Variants in ACBD6 observed in about 807,000 individuals in gnomAD.
The protein encoded by ACBD6 is acyl-CoA-binding domain-containing protein 6.
ACBD6 carries 28 observed loss-of-function variants against 37.2 expected under a neutral mutation model. The ratio of observed to expected loss-of-function variants is 0.75; its 90% CI spans 0.56 to 1.03. The LOEUF (loss-of-function observed/expected upper bound fraction) is 1.03, where lower values mean the gene tolerates loss of function less well. Ranked by LOEUF, ACBD6 falls within the 50% of genes least tolerant of loss-of-function variation. The pLI, the probability that ACBD6 is intolerant of heterozygous loss-of-function variation, is 0.00. For missense variants in ACBD6, 340 were observed against 337.4 expected, an observed-to-expected ratio of 1.01 and a Z score of -0.06; for synonymous variants, 113 against 126.8, an observed-to-expected ratio of 0.89 and a Z score of 0.73.
chr1:180,292,358 T>TA (rs1649742766), intron 7 of ACBD6, among the ~76,000 whole-genome samples: 1 of 152,198 alleles, frequency 6.6e-6, no homozygotes, highest in Admixed American at 6.5e-5. Flanking sequence ...ATTTAGGAAT[T>TA]ATACACATAC....
intron 6 of ACBD6, among the ~76,000 whole-genome samples, chr1:180,356,121 C>A (rs563313794): frequency 4.6e-5 from 7 of 152,066 alleles, no homozygotes; most frequent in African/African-American, 1.7e-4. Flanking sequence ...GATCCATGTG[C>A]CTCGGCCTCC....
chr1:180,446,332 G>A (rs1649472714), intron 3 of ACBD6, among the ~76,000 whole-genome samples: 1 of 151,930 alleles, frequency 6.6e-6, no homozygotes, highest in African/African-American at 2.4e-5. Flanking sequence ...CTTTTAAAAT[G>A]TTTACATAAA....
At chr1:180,426,020 A>G (rs908576667) in intron 4 of ACBD6, among the ~76,000 whole-genome samples, 1 of 152,246 alleles carries the variant, frequency 6.6e-6, no homozygotes. Context: ...TCAATGATTA[A>G]AGCATCTCTT....
At chr1:180,338,474 T>C (rs923714477) in intron 6 of ACBD6, among the ~76,000 whole-genome samples, 3 of 152,220 alleles carry the variant, frequency 2.0e-5, no homozygotes, top group Admixed American at 1.3e-4. Context: ...TGGCTAGCCA[T>C]ATGTAGAAAG....
At chr1:180,500,831 A>T (rs1651942358) in intron 1 of ACBD6, among the ~76,000 whole-genome samples, 1 of 9,872 alleles carries the variant, frequency 1.0e-4, no homozygotes, top group Non-Finnish European at 7.7e-4. Context: ...ACCCTCTGTA[A>T]AAAAAAAAAA....
chr1:180,351,800 C>T (rs1205483117), intron 6 of ACBD6, among the ~76,000 whole-genome samples: 1 of 152,058 alleles, frequency 6.6e-6, no homozygotes, highest in Non-Finnish European at 1.5e-5. Flanking sequence ...TCCAGTAATT[C>T]CACTTTCCAG....
At chr1:180,422,166 C>T (rs946624593) in intron 4 of ACBD6, among the ~76,000 whole-genome samples, 1 of 152,008 alleles carries the variant, frequency 6.6e-6, no homozygotes, top group African/African-American at 2.4e-5. Flanking sequence ...CTTGTACTTG[C>T]CAGTGTAGCT....
At chr1:180,453,655 C>G (rs1386831210) in intron 3 of ACBD6, among the ~76,000 whole-genome samples, 2 of 152,186 alleles carry the variant, frequency 1.3e-5, no homozygotes, top group Non-Finnish European at 2.9e-5. Context: ...ACCCCATTGT[C>G]ATAGCCCAAA....
At chr1:180,303,951 C>T (rs892119867) in intron 7 of ACBD6, among the ~76,000 whole-genome samples, 1 of 151,042 alleles carries the variant, frequency 6.6e-6, no homozygotes, top group East Asian at 1.9e-4. Context: ...GCTGGTTCAA[C>T]ATACGCAAAT....
chr1:180,281,132 C>G (rs1649295197), intron 9 of ACBD6, among the ~76,000 whole-genome samples: 1 of 152,176 alleles, frequency 6.6e-6, no homozygotes, highest in Non-Finnish European at 1.5e-5. Context: ...CTGCAGCTCA[C>G]AAAGGAGAGA....
chr1:180,330,254 A>ATT (rs58036413), intron 6 of ACBD6, among the ~76,000 whole-genome samples: 2,623 of 143,476 alleles, frequency 0.018, 28 homozygotes, highest in Non-Finnish European at 0.022. Context: ...CTCTATAAGA[A>ATT]TTTTTTTTTT....
chr1:180,435,494 G>A (rs557583571), intron 3 of ACBD6: 28 of 540,940 alleles, frequency 5.2e-5, no homozygotes, highest in South Asian at 8.3e-5. Context: ...CTCGTGATCC[G>A]CCCGCCTTGG....
At chr1:180,294,919 G>C (rs1026362334) in intron 7 of ACBD6, among the ~76,000 whole-genome samples, 1 of 151,858 alleles carries the variant, frequency 6.6e-6, no homozygotes, top group Non-Finnish European at 1.5e-5. Flanking sequence ...GCTGGGTCTC[G>C]AACTCTTAGT....
At chr1:180,285,319 T>C (rs1010646134), downstream of ACBD6, among the ~76,000 whole-genome samples, 1 of 152,202 alleles carries the variant, frequency 6.6e-6, no homozygotes, top group Non-Finnish European at 1.5e-5. Flanking sequence ...AGAACTGCAC[T>C]CTAGCCTGGG....
At chr1:180,463,766 T>C (rs1199035691) in intron 3 of ACBD6, among the ~76,000 whole-genome samples, 1 of 152,072 alleles carries the variant, frequency 6.6e-6, no homozygotes, top group Non-Finnish European at 1.5e-5. Context: ...AAAGAAAATT[T>C]CAGGCCAATA....
In ACBD6 at chr1:180,397,549, C is replaced by T. The variant is rs1654309648; in HGVS notation, c.630G>A (p.Val210=). 3 of 1,613,970 alleles carry T rather than the reference C, an allele frequency of 1.9e-6. No individual in the cohort carries two copies. Among genetic ancestry groups the T allele is most frequent in the Admixed American group, 3.3e-5 (2 of 60,002 alleles). ...TAATGTCAGCTCTATGTTGCAGCAA[C>T]ACTGTGACTAGTTCCTTATGTCCTC... The part of the protein sequence containing the change: ...CDRGHKELVT[V]LLQHRADINC... The change falls in exon 6 of 8, where the codon GTG becomes GTA. Residue 210 remains valine, a synonymous_variant. Coordinates refer to ENST00000367595, the MANE Select transcript of ACBD6 (RefSeq NM_032360.4).
intron 9 of ACBD6, chr1:180,281,254 T>C (rs749178008): frequency 1.6e-4 from 25 of 152,136 alleles, no homozygotes; most frequent in Admixed American, 5.9e-4. Flanking sequence ...GACAGCTGCT[T>C]AAAGAATAAA....
At chr1:180,434,595 T>C (rs1648946528) in intron 3 of ACBD6, among the ~76,000 whole-genome samples, 1 of 152,238 alleles carries the variant, frequency 6.6e-6, no homozygotes, top group Non-Finnish European at 1.5e-5. Context: ...TTCCTTTCTA[T>C]TAATTCCAAG....
intron 7 of ACBD6, among the ~76,000 whole-genome samples, chr1:180,309,513 C>T (rs1214431501): frequency 6.6e-6 from 1 of 152,056 alleles, no homozygotes; most frequent in Non-Finnish European, 1.5e-5. Flanking sequence ...ACAGCACATG[C>T]CACAGAGAAG....
Sources: allele counts gnomAD v4.1 joint callset (sites outside exome capture counted in the v4.1 genomes callset), GRCh38; gene constraint gnomAD v4.1.1; transcripts MANE v1.5; gene names NCBI Gene and HGNC (gene_info 2026-07-23, HGNC 2026-07-21).